Variants in SGCZ observed in about 807,000 individuals in gnomAD.
SGCZ encodes zeta-sarcoglycan.
Under a neutral mutation model 41.3 loss-of-function variants are expected in SGCZ, and 40 were observed. The ratio of observed to expected loss-of-function variants is 0.97; its 90% CI spans 0.75 to 1.26. The LOEUF is 1.26. Ranked by LOEUF, SGCZ falls within the 50% of genes most tolerant of loss-of-function variation. The probability of loss-of-function intolerance (pLI) is 0.00; values close to 1 mark genes in which losing one functional copy is unlikely to be tolerated. For missense variants in SGCZ, 552 were observed against 369.8 expected, an observed-to-expected ratio of 1.49 and a Z score of -4.04; for synonymous variants, 206 against 137.5, an observed-to-expected ratio of 1.50 and a Z score of -3.49.
At chr8:15,146,281 G>A (rs79885653) in intron 1 of SGCZ, among the ~76,000 whole-genome samples, 12,534 of 152,042 alleles carry the variant, frequency 0.082, 1,659 homozygotes, top group African/African-American at 0.28. Flanking sequence ...GTTGATTTTC[G>A]TCGGAAAGGA....
At chr8:14,967,644 C>A (rs770206413) in intron 1 of SGCZ, among the ~76,000 whole-genome samples, 15 of 152,140 alleles carry the variant, frequency 9.9e-5, no homozygotes, top group South Asian at 4.1e-4. Context: ...CTGGTCATTT[C>A]ATATCTCAGT....
intron 3 of SGCZ, among the ~76,000 whole-genome samples, chr8:14,313,477 C>A (rs1288044379): frequency 1.3e-5 from 2 of 152,002 alleles, no homozygotes; most frequent in Non-Finnish European, 2.9e-5. Context: ...CCACCATGCC[C>A]AGCTAATTTT....
At chr8:15,025,052 A>G (rs980000931) in intron 1 of SGCZ, among the ~76,000 whole-genome samples, 5 of 152,036 alleles carry the variant, frequency 3.3e-5, no homozygotes, top group African/African-American at 7.2e-5. Flanking sequence ...ACAGTAACTT[A>G]AAATACTCTC....
chr8:14,351,264 A>T (rs1803080683), intron 2 of SGCZ, among the ~76,000 whole-genome samples: 1 of 152,116 alleles, frequency 6.6e-6, no homozygotes, highest in Non-Finnish European at 1.5e-5. Flanking sequence ...AGATAAATTG[A>T]TTAATTTTAC....
intron 1 of SGCZ, among the ~76,000 whole-genome samples, chr8:14,604,195 A>G (rs1805676064): frequency 6.6e-6 from 1 of 152,198 alleles, no homozygotes; most frequent in African/African-American, 2.4e-5. Flanking sequence ...TAAGCAAGGT[A>G]CAAATAGACT....
At chr8:14,817,295 G>A (rs114317471) in intron 1 of SGCZ, among the ~76,000 whole-genome samples, 1 of 151,942 alleles carries the variant, frequency 6.6e-6, no homozygotes, top group Non-Finnish European at 1.5e-5. Context: ...TGTCTTACAG[G>A]GAAAAGGTAA....
At chr8:14,345,684 G>C (rs759064525) in intron 2 of SGCZ, among the ~76,000 whole-genome samples, 1 of 151,966 alleles carries the variant, frequency 6.6e-6, no homozygotes, top group Non-Finnish European at 1.5e-5. Flanking sequence ...CTAAAGATTT[G>C]TTTAAAAAGA....
At chr8:15,137,586 C>T (rs1014415998) in intron 1 of SGCZ, among the ~76,000 whole-genome samples, 1 of 152,146 alleles carries the variant, frequency 6.6e-6, no homozygotes, top group Non-Finnish European at 1.5e-5. Context: ...GTCCCAGATG[C>T]TCCAGACTTG....
intron 1 of SGCZ, among the ~76,000 whole-genome samples, chr8:14,947,504 A>T (rs986976758): frequency 6.6e-6 from 1 of 152,158 alleles, no homozygotes; most frequent in Non-Finnish European, 1.5e-5. Flanking sequence ...GCTACTGGAA[A>T]AGTGGTGTGG....
intron 5 of SGCZ, among the ~76,000 whole-genome samples, chr8:14,139,641 A>C (rs906962394): frequency 5.9e-5 from 9 of 152,310 alleles, no homozygotes; most frequent in African/African-American, 2.2e-4. Flanking sequence ...TAAACCAGGA[A>C]GAAGTTGAAT....
intron 2 of SGCZ, among the ~76,000 whole-genome samples, chr8:14,462,321 T>G (rs929121885): frequency 1.3e-5 from 2 of 152,134 alleles, no homozygotes; most frequent in Admixed American, 6.6e-5. Context: ...TTACAAAAAT[T>G]CCATGTAATT....
chr8:14,476,583 A>G (rs1346846913), intron 2 of SGCZ, among the ~76,000 whole-genome samples: 1 of 152,166 alleles, frequency 6.6e-6, no homozygotes, highest in Non-Finnish European at 1.5e-5. Flanking sequence ...ACATCTGCTT[A>G]TCTATGGCTA....
intron 1 of SGCZ, among the ~76,000 whole-genome samples, chr8:15,190,256 G>C (rs972212218): frequency 2.6e-5 from 4 of 152,132 alleles, no homozygotes; most frequent in African/African-American, 4.8e-5. Context: ...TGATATCAGA[G>C]TGCCATCATC....
At chr8:14,185,561 T>A (rs1804876813) in intron 4 of SGCZ, among the ~76,000 whole-genome samples, 1 of 152,226 alleles carries the variant, frequency 6.6e-6, no homozygotes. Context: ...CACTAGCATC[T>A]GACTCATTCA....
At position 14,086,655 on chromosome 8, in the gene SGCZ, C is replaced by T. The variant is rs1385123427; in HGVS notation, c.*3788G>A. The stretch of plus-strand genomic sequence containing the variant: ...CCAAATGCATTATTTTCCTTTTTAA[C>T]GTCAACCATATTACTGAATCCTGTT... On this transcript the variant is annotated 3_prime_UTR_variant, in exon 8 of 8. Transcript: ENST00000382080. Among the ~76,000 whole-genome samples the T allele has an allele frequency of 6.6e-6, 1 of 151,560 alleles. No individual in the cohort carries two copies. The highest frequency in any genetic ancestry group is 6.6e-5 in the Admixed American group (1 of 15,184).
intron 1 of SGCZ, among the ~76,000 whole-genome samples, chr8:14,733,011 A>C (rs1288455709): frequency 6.6e-6 from 1 of 152,124 alleles, no homozygotes; most frequent in South Asian, 2.1e-4. Flanking sequence ...ATGCGTTTTC[A>C]TCTGGAACTG....
Position 14,220,861 on chromosome 8 carries a change from G to C in SGCZ, c.424+16731C>G, listed in dbSNP as rs1215025112. 3.3e-5 allele frequency among the ~76,000 whole-genome samples: 5 copies of C among 152,078 alleles called. No homozygotes were observed. In the East Asian group the frequency reaches 7.7e-4, roughly 23 times the overall value. On this transcript the variant is annotated intron_variant, in intron 4 of 7. Transcript: ENST00000382080. ...AGCCACTTCTACCATTTAAAGGTGTGGGAAGCAAAAAAGGAAATAGCATTT... is the reference window on the plus strand; with the variant it reads ...AGCCACTTCTACCATTTAAAGGTGTCGGAAGCAAAAAAGGAAATAGCATTT...
intron 1 of SGCZ, among the ~76,000 whole-genome samples, chr8:14,672,222 AT>A (rs531648405): frequency 1.4e-4 from 22 of 152,306 alleles, no homozygotes; most frequent in African/African-American, 2.4e-4. Flanking sequence ...TTTGAAAGCT[AT>A]TTTATCTAGT....
intron 5 of SGCZ, among the ~76,000 whole-genome samples, chr8:14,110,998 G>A (rs1802354359): frequency 6.6e-6 from 1 of 151,986 alleles, no homozygotes; most frequent in African/African-American, 2.4e-5. Context: ...AGGTTGCAGT[G>A]AGCTGAGATT....
Sources: gnomAD v4.1 joint callset for allele counts (sites outside exome capture counted in the v4.1 genomes callset) on GRCh38, gnomAD v4.1.1 for gene constraint, MANE v1.5 for transcripts, NCBI Gene and HGNC (gene_info 2026-07-23, HGNC 2026-07-21) for gene names.